NPSR1: variants seen among roughly 807,000 people sequenced by gnomAD.
NPSR1 encodes neuropeptide S receptor.
Under a neutral mutation model 46.9 loss-of-function variants are expected in NPSR1, and 48 were observed. That is an observed-to-expected ratio of 1.02 (90% CI 0.81 to 1.30). The LOEUF (loss-of-function observed/expected upper bound fraction) is 1.30, where lower values mean the gene tolerates loss of function less well. Ranked by LOEUF, NPSR1 falls within the 50% of genes most tolerant of loss-of-function variation. NPSR1 has a pLI of 0.00. For synonymous variants in NPSR1, 176 were observed against 168.1 expected, an observed-to-expected ratio of 1.05 and a Z score of -0.36; for missense variants, 450 against 449.5, an observed-to-expected ratio of 1.00 and a Z score of -0.01.
chr7:34,823,399 G>GAAAAAGAAAAAAAAAA lies in NPSR1; in HGVS notation c.479-3997_479-3996insGAAAAAAAAAAAAAAA, dbSNP rs1554336128. 1.4e-3 allele frequency among the ~76,000 whole-genome samples: 95 copies of GAAAAAGAAAAAAAAAA among 68,232 alleles called. 6 individuals are homozygous for GAAAAAGAAAAAAAAAA. The highest frequency in any genetic ancestry group is 4.4e-3 in the African/African-American group (85 of 19,532). 44.8% of individuals were successfully genotyped at this position (68,232 alleles called of 152,430 possible). On this transcript the variant is annotated intron_variant, in intron 4 of 8. Transcript: ENST00000360581. ...TTGGCAACAGAGCAAGACTTCACCAGAAAAAAAAAAAAAAAAACAACACCA... is the reference window on the plus strand; with the variant it reads ...TTGGCAACAGAGCAAGACTTCACCAGAAAAAGAAAAAAAAAAAAAAAAAAAAAAAAAAACAACACCA...
intron 3 of NPSR1, among the ~76,000 whole-genome samples, chr7:34,805,986 C>T (rs1056909681): frequency 6.6e-6 from 1 of 151,970 alleles, no homozygotes; most frequent in Non-Finnish European, 1.5e-5. Flanking sequence ...CAACACTACA[C>T]ATCTATTAGA....
rs191804855 is a variant in NPSR1 at position 34,704,149 on chromosome 7, G to C, written c.280+19465G>C. ...CAGGAGTGTTGAGGCGTCCAGGTCC[G>C]TCTGTGGAGTTCACTGCCACCTTCC... On this transcript the variant is annotated intron_variant, in intron 2 of 8. Transcript: ENST00000360581. 3.3e-5 allele frequency: 5 copies of C among 152,234 alleles called. No individual in the cohort carries two copies. In the East Asian group the frequency reaches 9.7e-4, roughly 29 times the overall value. The allele number at this position is 152,234 out of a possible 1,614,324, so 9.4% of individuals were successfully genotyped here.
intron 2 of NPSR1, among the ~76,000 whole-genome samples, chr7:34,771,996 T>C (rs780172112): frequency 6.6e-6 from 1 of 152,230 alleles, no homozygotes; most frequent in South Asian, 2.1e-4. Context: ...GATGTCACCA[T>C]TGGGGGATGC....
At chr7:34,738,103 A>G (rs1458682944) in intron 2 of NPSR1, among the ~76,000 whole-genome samples, 1 of 152,246 alleles carries the variant, frequency 6.6e-6, no homozygotes, top group Non-Finnish European at 1.5e-5. Flanking sequence ...GTTGAAGGCC[A>G]GGAGAGAGCA....
intron 3 of NPSR1, among the ~76,000 whole-genome samples, chr7:34,791,144 TA>T (rs1787831115): frequency 2.6e-5 from 3 of 117,048 alleles, no homozygotes; most frequent in African/African-American, 9.4e-5. Context: ...ATATTATATA[TA>T]ATATGTTATA....
rs565077674 is a variant in NPSR1, at chr7:34,799,000, A to T, written c.385-12770A>T. 5.9e-5 allele frequency among the ~76,000 whole-genome samples: 9 copies of T among 152,284 alleles called. No individual in the cohort carries two copies. In the East Asian group the frequency reaches 1.3e-3, roughly 23 times the overall value. On this transcript the variant is annotated intron_variant, in intron 3 of 8. Transcript: ENST00000360581. ...ATAACACTGAATGGATATATTAGAA[A>T]ATAAAAAAATGTGATATTAATAAAC...
intron 1 of NPSR1, among the ~76,000 whole-genome samples, chr7:34,659,712 C>T (rs34316608): frequency 0.021 from 3,180 of 152,256 alleles, 41 homozygotes; most frequent in Middle Eastern, 0.031. Flanking sequence ...TATGCACATA[C>T]GCAGCCCAGC....
chr7:34,788,753 A>G (rs1584021823), intron 3 of NPSR1, among the ~76,000 whole-genome samples: 3 of 152,196 alleles, frequency 2.0e-5, no homozygotes, highest in African/African-American at 7.2e-5. Context: ...GATTATCTAG[A>G]CAGATAATCA....
At chr7:34,806,493 T>C (rs1194801570) in intron 3 of NPSR1, among the ~76,000 whole-genome samples, 1 of 152,114 alleles carries the variant, frequency 6.6e-6, no homozygotes, top group Non-Finnish European at 1.5e-5. Context: ...AAACCAGTGT[T>C]GCCAGAGATT....
chr7:34,777,164 C>T (rs1787001587), intron 2 of NPSR1, among the ~76,000 whole-genome samples: 1 of 152,128 alleles, frequency 6.6e-6, no homozygotes, highest in Non-Finnish European at 1.5e-5. Flanking sequence ...AAGTTGCACT[C>T]CTTGTGGCCT....
chr7:34,792,771 C>T (rs2128744655), intron 3 of NPSR1, among the ~76,000 whole-genome samples: 2 of 126,990 alleles, frequency 1.6e-5, no homozygotes, highest in African/African-American at 2.7e-5. Flanking sequence ...GTAGTCCCAG[C>T]TACTCAGGAG....
intron 2 of NPSR1, among the ~76,000 whole-genome samples, chr7:34,740,433 G>T (rs1784885570): frequency 6.6e-6 from 1 of 151,266 alleles, no homozygotes; most frequent in African/African-American, 2.4e-5. Flanking sequence ...CTTCTAGTTT[G>T]GTAGCAATTG....
chr7:34,711,177 G>A (rs1247112042), intron 2 of NPSR1: 3 of 198,732 alleles, frequency 1.5e-5, no homozygotes, highest in Non-Finnish European at 3.1e-5. Flanking sequence ...ATTGCACGAG[G>A]GTACCCAAAC....
At chr7:34,834,631 C>T (rs1001730511) in intron 6 of NPSR1, among the ~76,000 whole-genome samples, 171 bp downstream of exon 6, 1 of 152,174 alleles carries the variant, frequency 6.6e-6, no homozygotes, top group South Asian at 2.1e-4. Flanking sequence ...CTCTGTCTTC[C>T]CCCATGTGAC....
At chr7:34,836,021 T>G (rs1790350791) in intron 6 of NPSR1, among the ~76,000 whole-genome samples, 1 of 152,176 alleles carries the variant, frequency 6.6e-6, no homozygotes, top group African/African-American at 2.4e-5. Flanking sequence ...TGGCTGACCT[T>G]CACACTGACT....
At chr7:34,694,857 G>A (rs531831088) in intron 2 of NPSR1, among the ~76,000 whole-genome samples, 128 of 152,156 alleles carry the variant, frequency 8.4e-4, no homozygotes, top group African/African-American at 2.7e-3. Flanking sequence ...CTACAGGTGC[G>A]CATCACCATG....
downstream of NPSR1, among the ~76,000 whole-genome samples, chr7:34,851,617 A>G (rs1790936937): frequency 6.6e-6 from 1 of 152,206 alleles, no homozygotes; most frequent in Non-Finnish European, 1.5e-5. Flanking sequence ...GCTGCATAGG[A>G]GCCAATTAAC....
intron 2 of NPSR1, among the ~76,000 whole-genome samples, chr7:34,746,154 T>A (rs1562697627): frequency 6.6e-6 from 1 of 152,186 alleles, no homozygotes; most frequent in Non-Finnish European, 1.5e-5. Context: ...TTGGAAAAAT[T>A]GAGAAAATGA....
intron 1 of NPSR1, among the ~76,000 whole-genome samples, chr7:34,667,590 A>G (rs1014121019): frequency 7.9e-5 from 12 of 152,102 alleles, no homozygotes; most frequent in Non-Finnish European, 1.8e-4. Context: ...CACCCAGGCT[A>G]GTCATGCATT....
Sources: gnomAD v4.1 joint callset for allele counts (sites outside exome capture counted in the v4.1 genomes callset) on GRCh38, gnomAD v4.1.1 for gene constraint, MANE v1.5 for transcripts, NCBI Gene and HGNC (gene_info 2026-07-23, HGNC 2026-07-21) for gene names.